Variants in ANKS1B observed in about 807,000 individuals in gnomAD.
ANKS1B encodes ankyrin repeat and sterile alpha motif domain containing 1B.
ANKS1B carries 36 observed loss-of-function variants against 148.3 expected under a neutral mutation model. That is an observed-to-expected ratio of 0.24 (90% CI 0.19 to 0.32). ANKS1B has a LOEUF of 0.32. Ranked by LOEUF, ANKS1B falls within the 10% of genes least tolerant of loss-of-function variation. The probability of loss-of-function intolerance (pLI) is 1.00; values close to 1 mark genes in which losing one functional copy is unlikely to be tolerated. For missense variants in ANKS1B, 1,157 were observed against 1,542.6 expected (o/e 0.75, Z 4.19); for synonymous variants, 542 against 560.8 (o/e 0.97, Z 0.47).
chr12:99,930,516 C>T (rs1237701234), intron 1 of ANKS1B, among the ~76,000 whole-genome samples: 4 of 152,132 alleles, frequency 2.6e-5, no homozygotes, highest in Non-Finnish European at 5.9e-5. Context: ...ATTGCCCTGG[C>T]CAGAACTTCC....
chr12:99,155,115 C>T (rs923040837), intron 14 of ANKS1B: 6 of 1,507,528 alleles, frequency 4.0e-6, no homozygotes, highest in South Asian at 2.5e-5. Flanking sequence ...TGGAATTTTA[C>T]GTTTCAAAAG....
At chr12:98,896,049 C>G (rs1348102190) in intron 17 of ANKS1B, among the ~76,000 whole-genome samples, 1 of 152,160 alleles carries the variant, frequency 6.6e-6, no homozygotes, top group African/African-American at 2.4e-5. Context: ...GTAACAACCG[C>G]AGATTCCCAC....
At chr12:99,712,805 C>A (rs943220727) in intron 8 of ANKS1B, among the ~76,000 whole-genome samples, 12 of 152,328 alleles carry the variant, frequency 7.9e-5, no homozygotes, top group Non-Finnish European at 1.5e-4. Flanking sequence ...TGCAATCCAA[C>A]TGGGAAAATT....
At chr12:99,036,124 G>A (rs1218579717) in intron 17 of ANKS1B, among the ~76,000 whole-genome samples, 1 of 151,782 alleles carries the variant, frequency 6.6e-6, no homozygotes, top group Admixed American at 6.6e-5. Flanking sequence ...GTGATTTTGA[G>A]GCAGGAGATA....
At chr12:99,861,422 C>T (rs532557334) in intron 1 of ANKS1B, among the ~76,000 whole-genome samples, 18 of 152,246 alleles carry the variant, frequency 1.2e-4, no homozygotes, top group African/African-American at 4.1e-4. Flanking sequence ...CACTGACTCT[C>T]AAATAATCTG....
chr12:98,846,873 A>G (rs1010576929), intron 17 of ANKS1B, among the ~76,000 whole-genome samples: 3 of 152,226 alleles, frequency 2.0e-5, no homozygotes. Context: ...TCCATAAACA[A>G]AAGTCTACTT....
intron 10 of ANKS1B, among the ~76,000 whole-genome samples, chr12:99,467,590 G>A (rs1213947098): frequency 6.6e-6 from 1 of 152,302 alleles, no homozygotes; most frequent in African/African-American, 2.4e-5. Context: ...CTTCAGCAAA[G>A]TCTCAGGAAA....
chr12:99,443,006 T>C (rs993909418), intron 11 of ANKS1B, among the ~76,000 whole-genome samples: 1 of 151,884 alleles, frequency 6.6e-6, no homozygotes, highest in Non-Finnish European at 1.5e-5. Context: ...AGTGCTATTT[T>C]CAATGAAATA....
intron 9 of ANKS1B, among the ~76,000 whole-genome samples, chr12:99,507,338 C>T (rs1008875364): frequency 8.6e-5 from 13 of 151,886 alleles, no homozygotes; most frequent in Non-Finnish European, 1.0e-4. Context: ...TTTAAAGCCT[C>T]GAAAACCACT....
intron 17 of ANKS1B, among the ~76,000 whole-genome samples, chr12:99,025,296 A>G (rs574999908): frequency 6.6e-6 from 1 of 152,328 alleles, no homozygotes; most frequent in South Asian, 2.1e-4. Context: ...AAGTAAATCA[A>G]ATGAGAATAC....
intron 8 of ANKS1B, among the ~76,000 whole-genome samples, chr12:99,669,424 G>T (rs1306872535): frequency 6.6e-6 from 1 of 152,054 alleles, no homozygotes; most frequent in East Asian, 1.9e-4. Flanking sequence ...TTCATTCAAG[G>T]CTTGCTTTTA....
At chr12:99,836,151 T>C (rs908534241) in intron 1 of ANKS1B, among the ~76,000 whole-genome samples, 2 of 152,134 alleles carry the variant, frequency 1.3e-5, no homozygotes, top group Non-Finnish European at 2.9e-5. Flanking sequence ...CTGTAGACCA[T>C]GAGCCACATC....
intron 14 of ANKS1B, among the ~76,000 whole-genome samples, chr12:99,195,409 T>C (rs1185310639): frequency 6.6e-6 from 1 of 152,180 alleles, no homozygotes; most frequent in African/African-American, 2.4e-5. Flanking sequence ...TCAAAGATAC[T>C]GTTTTTGACT....
intron 15 of ANKS1B, among the ~76,000 whole-genome samples, chr12:99,138,951 C>T (rs1269410740): frequency 5.9e-5 from 9 of 151,558 alleles, no homozygotes; most frequent in African/African-American, 2.2e-4. Context: ...CTTTTTCTTT[C>T]TCTCTCTTTT....
chr12:99,674,406 T>C (rs56971078), intron 8 of ANKS1B, among the ~76,000 whole-genome samples: 44,900 of 151,540 alleles, frequency 0.3, 7,004 homozygotes, highest in African/African-American at 0.34. Context: ...CAAGGAAAGA[T>C]GGCAATATGA....
At chr12:99,856,027 A>G (rs966665745) in intron 1 of ANKS1B, among the ~76,000 whole-genome samples, 3 of 152,034 alleles carry the variant, frequency 2.0e-5, no homozygotes, top group Admixed American at 6.5e-5. Flanking sequence ...AAGCAACCAA[A>G]CCAAACCCAG....
At chr12:99,333,112 A>C (rs959163678) in intron 12 of ANKS1B, among the ~76,000 whole-genome samples, 2 of 152,114 alleles carry the variant, frequency 1.3e-5, no homozygotes, top group African/African-American at 4.8e-5. Context: ...CTGAAGCACA[A>C]AGTACACAGA....
chr12:99,818,598 C>T (rs1254389612), intron 2 of ANKS1B, among the ~76,000 whole-genome samples: 3 of 151,528 alleles, frequency 2.0e-5, no homozygotes, highest in Non-Finnish European at 4.4e-5. Context: ...ATAACAAATA[C>T]TCTAAAATCC....
chr12:99,198,027 C>T (rs945100159), intron 14 of ANKS1B, among the ~76,000 whole-genome samples: 2 of 152,112 alleles, frequency 1.3e-5, no homozygotes, highest in Non-Finnish European at 2.9e-5. Context: ...CCCGCTCAAT[C>T]CCAGCCCACT....
Sources: gnomAD v4.1 joint callset for allele counts (sites outside exome capture counted in the v4.1 genomes callset) on GRCh38, gnomAD v4.1.1 for gene constraint, MANE v1.5 for transcripts, NCBI Gene and HGNC (gene_info 2026-07-23, HGNC 2026-07-21) for gene names.